The following ABCF1 variants were observed in gnomAD, a reference collection of about 807,000 sequenced individuals.
The protein encoded by ABCF1 is ATP-binding cassette sub-family F member 1.
ABCF1 carries 73 observed loss-of-function variants against 126.3 expected under a neutral mutation model. The observed-to-expected ratio is 0.58, with a 90% CI of 0.48 to 0.70. ABCF1 has a LOEUF of 0.70. Ranked by LOEUF, ABCF1 falls within the 30% of genes least tolerant of loss-of-function variation. The pLI is 0.00. For missense variants in ABCF1, 786 were observed against 1,057.5 expected, an observed-to-expected ratio of 0.74 and a Z score of 3.56; for synonymous variants, 345 against 396.4, an observed-to-expected ratio of 0.87 and a Z score of 1.54.
At chr6:30,581,550 C>T (rs1023864040) in intron 8 of ABCF1, among the ~76,000 whole-genome samples, 2 of 151,880 alleles carry the variant, frequency 1.3e-5, no homozygotes, top group African/African-American at 2.4e-5. Flanking sequence ...ACTACAGGCA[C>T]GTGCCACCAT....
chr6:30,578,406 A>C, intron 5 of ABCF1, 21 bp downstream of exon 5: 1 of 1,614,074 alleles, frequency 6.2e-7, no homozygotes, highest in South Asian at 1.1e-5. Context: ...TGTGTGGTAA[A>C]CGGAGACTCC....
intron 6 of ABCF1, 137 bp downstream of exon 6, chr6:30,578,714 T>C: frequency 2.3e-6 from 2 of 870,128 alleles, no homozygotes; most frequent in South Asian, 1.6e-5. Context: ...TTAGAATACA[T>C]GCCCAGGCTG....
chr6:30,572,641 C>G (rs1801311611), intron 1 of ABCF1, among the ~76,000 whole-genome samples: 1 of 152,118 alleles, frequency 6.6e-6, no homozygotes, highest in Admixed American at 6.6e-5. Flanking sequence ...GTAGTTGAGA[C>G]TACTGGCATG....
In ABCF1 at chr6:30,574,967, T is replaced by G. The variant is rs1357288784; in HGVS notation, c.74-2442T>G. On this transcript the variant is annotated intron_variant, in intron 1 of 24. Coordinates refer to ENST00000326195, the MANE Select transcript of ABCF1 (RefSeq NM_001025091.2). The surrounding 1 kb of genome is among the most constrained non-coding windows in gnomAD (Gnocchi z 4.3). ...AACTCTAGTTTTTTGGAGAAGTAGA[T>G]GCACCATAAAACTTTCCTGAATAAA... 1.3e-5 allele frequency among the ~76,000 whole-genome samples: 2 copies of G among 152,132 alleles called. No individual in the cohort carries two copies. Among genetic ancestry groups the G allele is most frequent in the African/African-American group, 4.8e-5 (2 of 41,420 alleles).
chr6:30,578,185 G>A lies in ABCF1; in HGVS notation c.326G>A (p.Ser109Asn), dbSNP rs796973175. The A allele has an allele frequency of 1.2e-6, 2 of 1,613,848 alleles. No homozygotes were observed. Among genetic ancestry groups the A allele is most frequent in the Admixed American group, 1.7e-5 (1 of 59,932 alleles). ...CTTAAGAAGCTCTCAGTGCCAACCA[G>A]TGATGAGGAGGATGAAGGTAAATGA... ...ERLKKLSVPT[S>N]DEEDEVPAPK... Residue 109 changes from serine (S) to asparagine (N), a missense_variant, in exon 4 of 25, where the codon AGT (serine) becomes AAT (asparagine). This residue lies in a region of ABCF1 where 322 missense variants were observed against 322.9 expected (regional missense o/e 1.00). Transcript: ENST00000326195.
rs1801381629 is a variant in ABCF1, at chr6:30,574,128, A to G, written c.73+2568A>G. On this transcript the variant is annotated intron_variant, in intron 1 of 24. Transcript: ENST00000326195. This position sits in a 1 kb window ranked among gnomAD's most constrained non-coding sequence, Gnocchi z 4.3. ...TGGATAAGAGTGATTAAAGTACAAA[A>G]GATTTTTTTGGTTTTGGTGGGTTTT... Among the ~76,000 whole-genome samples, 1 of 151,550 alleles carries G rather than the reference A, an allele frequency of 6.6e-6. No individual in the cohort carries two copies. Among genetic ancestry groups the G allele is most frequent in the South Asian group, 2.1e-4 (1 of 4,812 alleles).
At chr6:30,581,722 T>G (rs1275029407) in intron 8 of ABCF1, among the ~76,000 whole-genome samples, 7 of 152,084 alleles carry the variant, frequency 4.6e-5, no homozygotes, top group Non-Finnish European at 1.0e-4. Context: ...ATCTTTTCTT[T>G]GCATGTTAAC....
intron 6 of ABCF1, 133 bp downstream of exon 6, chr6:30,578,710 T>C (rs1801647286): frequency 1.1e-6 from 1 of 889,174 alleles, no homozygotes; most frequent in Non-Finnish European, 1.8e-6. Flanking sequence ...CTTTTTAGAA[T>C]ACATGCCCAG....
intron 14 of ABCF1, 37 bp from the exon 15 acceptor site, chr6:30,585,223 C>T: frequency 1.9e-6 from 3 of 1,574,680 alleles, no homozygotes; most frequent in Non-Finnish European, 2.6e-6. Context: ...AAGGATCTTT[C>T]TCTCCCTGAC....
intron 8 of ABCF1, among the ~76,000 whole-genome samples, chr6:30,581,701 A>G (rs911108923): frequency 6.6e-6 from 1 of 151,662 alleles, no homozygotes; most frequent in Non-Finnish European, 1.5e-5. Flanking sequence ...CCGTGCCCGG[A>G]CGGCTACCTG....
rs1360259727 is a variant in ABCF1 at position 30,584,181 on chromosome 6, C to G, written c.1103-11C>G. 1 of 1,607,550 alleles carries G rather than the reference C, an allele frequency of 6.2e-7. No homozygotes were observed. Among genetic ancestry groups the G allele is most frequent in the East Asian group, 2.2e-5 (1 of 44,830 alleles). On this transcript the variant is annotated splice_polypyrimidine_tract_variant and intron_variant, in intron 12 of 24. Coordinates refer to ENST00000326195, the MANE Select transcript of ABCF1 (RefSeq NM_001025091.2). This position sits in a 1 kb window ranked among gnomAD's most constrained non-coding sequence, Gnocchi z 4.6. ...TTGAGGCTGCCTGACTGTTCTCCCT[C>G]TGCCTCCCAGAGGTGGTAGCAGATG...
chr6:30,575,113 A>G (rs547349546), intron 1 of ABCF1, among the ~76,000 whole-genome samples: 1 of 137,010 alleles, frequency 7.3e-6, no homozygotes, highest in Non-Finnish European at 1.5e-5. Flanking sequence ...TGTGTCACCC[A>G]GGCTGGAGTG....
rs1370178371 is a variant in ABCF1, at chr6:30,578,097, C to T, written c.238C>T (p.Arg80Ter). Residue 80 changes from arginine to a stop codon, truncating the protein, a stop_gained, in exon 4 of 25, where the codon CGA becomes TGA. Transcript: ENST00000326195. LOFTEE classifies it high-confidence loss of function. ...GCAGCAAAAAAAAAAGCGAGATACCCGAAAAGGCAGGCGGAAGAAGGATGT... is the reference window on the plus strand; with the variant it reads ...GCAGCAAAAAAAAAAGCGAGATACCTGAAAAGGCAGGCGGAAGAAGGATGT... The part of the protein sequence containing the change: ...QQQQKKKRDT[R>*]KGRRKKDVDD... 6.2e-7 allele frequency: 1 copy of T among 1,613,846 alleles called. No homozygotes were observed. The highest frequency in any genetic ancestry group is 1.1e-5 in the South Asian group (1 of 91,074).
intron 15 of ABCF1, 35 bp from the exon 16 acceptor site, chr6:30,585,523 A>G: frequency 6.2e-7 from 1 of 1,611,686 alleles, no homozygotes; most frequent in Non-Finnish European, 8.5e-7. Flanking sequence ...TCACTTGACC[A>G]CTGTGACACT....
rs1347017135 is a variant in ABCF1 at position 30,585,864 on chromosome 6, C to T, written c.1601-15C>T. On this transcript the variant is annotated splice_polypyrimidine_tract_variant and intron_variant, in intron 16 of 24. Coordinates refer to ENST00000326195, the MANE Select transcript of ABCF1 (RefSeq NM_001025091.2). ...AGGAGCAACCACTGATGCCTGGTCC[C>T]CTCTTCTGCCCCAGTGACCTTCAAA... 6.3e-7 allele frequency: 1 copy of T among 1,591,286 alleles called. No homozygotes were observed. The highest frequency in any genetic ancestry group is 1.1e-5 in the South Asian group (1 of 88,884).
chr6:30,584,432 G>A lies in ABCF1; in HGVS notation c.1257G>A (p.Leu419=), dbSNP rs562870965. Residue 419 remains leucine, a synonymous_variant, in exon 14 of 25, where the codon TTG becomes TTA. Coordinates refer to ENST00000326195, the MANE Select transcript of ABCF1 (RefSeq NM_001025091.2). The surrounding 1 kb of genome is among the most constrained non-coding windows in gnomAD (Gnocchi z 4.6). ...AERLEKVYEE[L]RATGAAAAEA... ...CCTCCTCCCAGGTGTATGAGGAATT[G>A]CGGGCCACTGGGGCGGCAGCTGCAG... The A allele has an allele frequency of 6.2e-7, 1 of 1,613,112 alleles. No homozygotes were observed. Among genetic ancestry groups the A allele is most frequent in the Admixed American group, 1.7e-5 (1 of 60,030 alleles).
chr6:30,589,885 T>C lies in ABCF1; in HGVS notation c.2144T>C (p.Phe715Ser). ...ETPTEYLQRGFNLPYQDARKC... is the reference protein window; with the variant it reads ...ETPTEYLQRGSNLPYQDARKC... ...CCCACTGAGTACCTGCAGCGGGGCT[T>C]CAACCTGCCCTACCAGGATGCCCGC... is the stretch of plus-strand genomic sequence containing the variant. Residue 715 changes from phenylalanine to serine, a missense_variant, in exon 22 of 25, where the codon TTC becomes TCC. By Grantham distance (155) the Phe-to-Ser change is radical. Transcript: ENST00000326195. 6.2e-7 allele frequency: 1 copy of C among 1,614,182 alleles called. No individual in the cohort carries two copies. Among genetic ancestry groups the C allele is most frequent in the Non-Finnish European group, 8.5e-7 (1 of 1,180,038 alleles).
rs373515990 is a variant in ABCF1 at position 30,583,032 on chromosome 6, G to A, written c.793-34G>A. Reference sequence around the variant, plus strand: ...CATGGTGATGGGAAACTGGTAGACTGTGGCTTCAAATGTAGTTTTTCCTAC... The same window carrying A: ...CATGGTGATGGGAAACTGGTAGACTATGGCTTCAAATGTAGTTTTTCCTAC... On this transcript the variant is annotated intron_variant, in intron 9 of 24. Coordinates refer to ENST00000326195, the MANE Select transcript of ABCF1 (RefSeq NM_001025091.2). The surrounding 1 kb of genome is among the most constrained non-coding windows in gnomAD (Gnocchi z 4.1). 1.4e-4 allele frequency: 218 copies of A among 1,590,660 alleles called. 1 individual carries two copies. The Middle Eastern group carries it at 1.5e-3, about 11-fold the overall frequency.
chr6:30,585,130 G>A (rs1484307433), intron 14 of ABCF1, 130 bp from the exon 15 acceptor site: 5 of 847,592 alleles, frequency 5.9e-6, no homozygotes, highest in East Asian at 2.5e-5. Context: ...TATCCTGCCC[G>A]AGAACTTCTC....
Sources: gnomAD v4.1 joint callset for allele counts (sites outside exome capture counted in the v4.1 genomes callset) on GRCh38, gnomAD v4.1.1 for gene constraint, gnomAD v4.1.1 regional missense constraint, Gnocchi (gnomAD v3.1) non-coding constraint, MANE v1.5 for transcripts, NCBI Gene and HGNC (gene_info 2026-07-23, HGNC 2026-07-21) for gene names.